Variants in CACNA2D1 observed in about 807,000 individuals in gnomAD.
The protein encoded by CACNA2D1 is voltage-dependent calcium channel subunit alpha-2/delta-1.
A neutral mutation model predicts 171.5 loss-of-function variants in CACNA2D1; 53 were observed. That is an observed-to-expected ratio of 0.31 (90% confidence interval 0.25 to 0.39). The LOEUF (loss-of-function observed/expected upper bound fraction) is 0.39. Ranked by LOEUF, CACNA2D1 falls within the 10% of genes least tolerant of loss-of-function variation. CACNA2D1 has a pLI of 1.00. For missense variants in CACNA2D1, 903 were observed against 1,299.8 expected, an observed-to-expected ratio of 0.69 and a Z score of 4.69; for synonymous variants, 442 against 443.1, an observed-to-expected ratio of 1.00 and a Z score of 0.03.
chr7:82,405,319 C>G (rs17156243), intron 1 of CACNA2D1, among the ~76,000 whole-genome samples: 3,166 of 152,208 alleles, frequency 0.021, 113 homozygotes, highest in East Asian at 0.12. Context: ...TTAGAATGGT[C>G]TTTTACTAAT....
intron 9 of CACNA2D1, among the ~76,000 whole-genome samples, chr7:82,062,674 G>A (rs1367303662): frequency 7.5e-6 from 1 of 133,406 alleles, no homozygotes; most frequent in Non-Finnish European, 1.5e-5. Flanking sequence ...ACGTATACAT[G>A]TGCCATGTTG....
rs370968482 is a variant in CACNA2D1 at position 82,382,580 on chromosome 7, T to C, written c.96-32931A>G. 1.9e-3 allele frequency among the ~76,000 whole-genome samples: 291 copies of C among 152,216 alleles called. 12 individuals carry two copies. In the South Asian group the frequency reaches 0.058, roughly 30 times the overall value. On this transcript the variant is annotated intron_variant, in intron 1 of 38. Coordinates refer to ENST00000356860, the MANE Select transcript of CACNA2D1 (RefSeq NM_000722.4). ...ACTGCTAGGGGAGGGGAGTGGGCAG[T>C]GGGCGGGATGGCAGTCCTCCAGAGA...
intron 1 of CACNA2D1, among the ~76,000 whole-genome samples, chr7:82,396,360 C>G (rs1410547915): frequency 6.6e-6 from 1 of 152,120 alleles, no homozygotes; most frequent in Non-Finnish European, 1.5e-5. Context: ...TAAGATTTCT[C>G]TTTCCAAATC....
chr7:82,239,063 T>C (rs572219203), intron 3 of CACNA2D1, among the ~76,000 whole-genome samples: 1 of 152,202 alleles, frequency 6.6e-6, no homozygotes. Flanking sequence ...TAGCAACCAA[T>C]AGAAACTAGT....
chr7:82,285,139 C>T (rs1445614770), intron 3 of CACNA2D1, among the ~76,000 whole-genome samples: 19 of 152,036 alleles, frequency 1.2e-4, no homozygotes, highest in Admixed American at 1.2e-3. Context: ...CTCTGATTCC[C>T]CTCTTCCCAG....
chr7:81,970,316 A>G (rs776579193), intron 27 of CACNA2D1, among the ~76,000 whole-genome samples: 2 of 151,420 alleles, frequency 1.3e-5, no homozygotes, highest in Non-Finnish European at 3.0e-5. Context: ...TAGAGATAAG[A>G]TGCATCAAAG....
rs1351677451 is a variant in CACNA2D1 at position 81,962,483 on chromosome 7, C to T, written c.2793G>A (p.Gln931=). The change falls in exon 35 of 39, where the codon CAG becomes CAA. Residue 931 remains glutamine (Q), a synonymous_variant. Transcript: ENST00000356860. The part of the protein sequence containing the change: ...WATAAAWSIL[Q]QFLLSLTFPR... ...GAAAGGTCAAACTCAAGAGAAACTG[C>T]TGTAGAATAGACCTGAATTTTTCAA... 6.3e-7 allele frequency: 1 copy of T among 1,599,060 alleles called. No individual in the cohort carries two copies.
intron 1 of CACNA2D1, among the ~76,000 whole-genome samples, chr7:82,422,137 A>T (rs1373449942): frequency 2.0e-5 from 3 of 152,186 alleles, no homozygotes; most frequent in Admixed American, 1.3e-4. Context: ...TTCATGTTTA[A>T]GGGTCATCTT....
chr7:82,042,343 C>G lies in CACNA2D1; in HGVS notation c.880-4108G>C, dbSNP rs576036268. Reference sequence around the variant, plus strand: ...GTGCCTACATACTAATTTAAAACCACATATTAAAAACCTTAGAGCAAAAGT... The same window carrying G: ...GTGCCTACATACTAATTTAAAACCAGATATTAAAAACCTTAGAGCAAAAGT... On this transcript the variant is annotated intron_variant, in intron 10 of 38. Coordinates refer to ENST00000356860, the MANE Select transcript of CACNA2D1 (RefSeq NM_000722.4). 1.6e-4 allele frequency among the ~76,000 whole-genome samples: 25 copies of G among 152,048 alleles called. No individual in the cohort carries two copies. In the South Asian group the frequency reaches 5.2e-3, roughly 32 times the overall value.
At chr7:82,398,702 C>A (rs116868769) in intron 1 of CACNA2D1, among the ~76,000 whole-genome samples, 3 of 151,688 alleles carry the variant, frequency 2.0e-5, no homozygotes, top group Non-Finnish European at 4.4e-5. Context: ...TTCAGCCTCC[C>A]GAGTAGCTGG....
At chr7:82,340,088 C>T (rs535565976) in intron 2 of CACNA2D1, among the ~76,000 whole-genome samples, 1 of 152,218 alleles carries the variant, frequency 6.6e-6, no homozygotes, top group East Asian at 1.9e-4. Context: ...TTCTCATCTC[C>T]AGAATTGTAA....
chr7:81,978,389 T>A (rs577132771), intron 24 of CACNA2D1, among the ~76,000 whole-genome samples: 1 of 152,070 alleles, frequency 6.6e-6, no homozygotes, highest in Non-Finnish European at 1.5e-5. Flanking sequence ...AAATGCCCCA[T>A]GGAATACTAT....
At chr7:82,176,026 AT>A (rs1796513311) in intron 3 of CACNA2D1, among the ~76,000 whole-genome samples, 1 of 152,032 alleles carries the variant, frequency 6.6e-6, no homozygotes, top group African/African-American at 2.4e-5. Context: ...CCAAAAGCAT[AT>A]GCAATTCAGG....
chr7:81,959,470 C>T (rs1793838789), intron 37 of CACNA2D1, 113 bp from the exon 38 acceptor site: 2 of 804,936 alleles, frequency 2.5e-6, no homozygotes, highest in African/African-American at 1.7e-5. Flanking sequence ...TACATCATTA[C>T]TCTCATCCAA....
chr7:81,961,833 ATTAT>A (rs1405409029), intron 36 of CACNA2D1, 57 bp downstream of exon 36: 96 of 1,038,848 alleles, frequency 9.2e-5, no homozygotes, highest in Middle Eastern at 2.5e-4. Context: ...TTTCTTAATG[ATTAT>A]AACAGTATAT....
At chr7:82,132,160 G>A (rs1048702768) in intron 5 of CACNA2D1, among the ~76,000 whole-genome samples, 6 of 152,060 alleles carry the variant, frequency 3.9e-5, no homozygotes, top group African/African-American at 1.4e-4. Flanking sequence ...AAAAAACTCA[G>A]TACAGCACCC....
chr7:82,232,771 G>A lies in CACNA2D1; in HGVS notation c.295-62162C>T, dbSNP rs140481008. Among the ~76,000 whole-genome samples, 623 of 149,318 alleles carry A rather than the reference G, an allele frequency of 4.2e-3. 10 individuals carry two copies. In the East Asian group the frequency reaches 0.068, roughly 16 times the overall value. On this transcript the variant is annotated intron_variant, in intron 3 of 38. Coordinates refer to ENST00000356860, the MANE Select transcript of CACNA2D1 (RefSeq NM_000722.4). ...CCCATCTACTCGGGAGGCTGAGGCAGGAGAATTGCTTGAATCCGGGAGGCA... is the reference window on the plus strand; with the variant it reads ...CCCATCTACTCGGGAGGCTGAGGCAAGAGAATTGCTTGAATCCGGGAGGCA...
At chr7:81,953,571 A>ATACTT (rs747553119) in intron 38 of CACNA2D1, among the ~76,000 whole-genome samples, 4 of 152,148 alleles carry the variant, frequency 2.6e-5, no homozygotes, top group Non-Finnish European at 5.9e-5. Flanking sequence ...AAAAAAACAA[A>ATACTT]TACTTTATAT....
chr7:82,000,925 G>A (rs1222544461), intron 18 of CACNA2D1, among the ~76,000 whole-genome samples: 9 of 150,930 alleles, frequency 6.0e-5, no homozygotes, highest in African/African-American at 1.7e-4. Context: ...CACCGTGGCC[G>A]GCCTTAATGT....
Sources: allele counts gnomAD v4.1 joint callset (sites outside exome capture counted in the v4.1 genomes callset), GRCh38; gene constraint gnomAD v4.1.1; transcripts MANE v1.5; gene names NCBI Gene and HGNC (gene_info 2026-07-23, HGNC 2026-07-21).